The following ASAP2 variants were observed in gnomAD, a reference collection of about 807,000 sequenced individuals.
ASAP2 encodes the protein ArfGAP with SH3 domain, ankyrin repeat and PH domain 2.
ASAP2 carries 45 observed loss-of-function variants against 131.4 expected under a neutral mutation model. The ratio of observed to expected loss-of-function variants is 0.34; its 90% CI spans 0.27 to 0.44. The LOEUF is 0.44. Among genes scored for constraint, ASAP2 ranks in the 20% least tolerant of loss-of-function variants. The pLI is 1.00. For missense variants in ASAP2, 1,011 were observed against 1,297.0 expected (o/e 0.78, Z 3.39); for synonymous variants, 510 against 503.0 (o/e 1.01, Z -0.19).
At chr2:9,400,877 G>T (rs771056918) in intron 26 of ASAP2, 47 bp downstream of exon 26, 2 of 1,569,642 alleles carry the variant, frequency 1.3e-6, no homozygotes, top group Non-Finnish European at 8.7e-7. Context: ...AGCCAGGGGG[G>T]TGCAGGTGGT....
Position 9,311,450 on chromosome 2 carries a change from A to C in ASAP2, c.346-7074A>C, listed in dbSNP as rs1289652689. Among the ~76,000 whole-genome samples the C allele has an allele frequency of 6.6e-6, 1 of 152,176 alleles. No individual in the cohort carries two copies. Among genetic ancestry groups the C allele is most frequent in the East Asian group, 1.9e-4 (1 of 5,192 alleles). ...ATAATTTGTATTCAGGTTGCACTCG[A>C]TGTTTTAAAAAGCCATTTTACATAA... On this transcript the variant is annotated intron_variant, in intron 3 of 27. Transcript: ENST00000281419. The surrounding 1 kb of genome is among the most constrained non-coding windows in gnomAD (Gnocchi z 5.2).
chr2:9,338,063 C>A (rs1474770229), intron 9 of ASAP2, among the ~76,000 whole-genome samples: 1 of 152,190 alleles, frequency 6.6e-6, no homozygotes, highest in African/African-American at 2.4e-5. Context: ...CCTGCCTTCC[C>A]CATCCCACGT....
intron 5 of ASAP2, among the ~76,000 whole-genome samples, chr2:9,321,655 G>A (rs1670156634): frequency 6.6e-6 from 1 of 152,148 alleles, no homozygotes; most frequent in African/African-American, 2.4e-5. Context: ...GTGGCTGATA[G>A]GAAATGGTCC....
At chr2:9,218,177 T>C (rs932698335) in intron 1 of ASAP2, among the ~76,000 whole-genome samples, 5 of 152,174 alleles carry the variant, frequency 3.3e-5, no homozygotes, top group Admixed American at 6.5e-5. Flanking sequence ...CCTGCTGGGC[T>C]CTCTGTTGCC....
intron 3 of ASAP2, among the ~76,000 whole-genome samples, chr2:9,317,239 A>G (rs1391813746): frequency 6.7e-6 from 1 of 148,906 alleles, no homozygotes; most frequent in African/African-American, 2.5e-5. Flanking sequence ...ACACAACCAC[A>G]CTCATACACA....
intron 18 of ASAP2, among the ~76,000 whole-genome samples, chr2:9,377,558 A>C (rs777847906): frequency 2.6e-4 from 40 of 152,328 alleles, no homozygotes; most frequent in Non-Finnish European, 4.8e-4. Context: ...ATATTGCTTC[A>C]GTCATGTGTT....
intron 1 of ASAP2, among the ~76,000 whole-genome samples, chr2:9,262,474 A>T (rs1665644071): frequency 6.6e-6 from 1 of 152,142 alleles, no homozygotes; most frequent in African/African-American, 2.4e-5. Flanking sequence ...TGTTATTCCC[A>T]ATTTATAGAT....
chr2:9,256,878 G>T (rs1665202467), intron 1 of ASAP2, among the ~76,000 whole-genome samples: 1 of 152,214 alleles, frequency 6.6e-6, no homozygotes. Flanking sequence ...TTAGCCGCTT[G>T]TCCTGTCCAC....
chr2:9,214,888 C>G (rs1558239738), intron 1 of ASAP2, among the ~76,000 whole-genome samples: 1 of 152,052 alleles, frequency 6.6e-6, no homozygotes, highest in Non-Finnish European at 1.5e-5. Context: ...CTTGTTTGTG[C>G]CATGGCTCCC....
chr2:9,307,215 G>T (rs903961217), intron 3 of ASAP2, among the ~76,000 whole-genome samples: 3 of 152,258 alleles, frequency 2.0e-5, no homozygotes, highest in Non-Finnish European at 2.9e-5. Context: ...TTCTGATTCC[G>T]CAGGTCTGGG....
At chr2:9,238,519 C>T (rs1663713976) in intron 1 of ASAP2, among the ~76,000 whole-genome samples, 1 of 152,208 alleles carries the variant, frequency 6.6e-6, no homozygotes, top group Non-Finnish European at 1.5e-5. Flanking sequence ...CCTTGTCTTA[C>T]TGGAAATGTC....
chr2:9,382,723 G>GT (rs1300197169), intron 20 of ASAP2, among the ~76,000 whole-genome samples: 1 of 152,178 alleles, frequency 6.6e-6, no homozygotes, highest in Non-Finnish European at 1.5e-5. Context: ...CTCTAGCCCT[G>GT]TTTTTTCTGT....
chr2:9,304,246 G>A (rs931601506), intron 3 of ASAP2, among the ~76,000 whole-genome samples: 1 of 152,172 alleles, frequency 6.6e-6, no homozygotes, highest in Admixed American at 6.5e-5. Flanking sequence ...ATGTGTGTAG[G>A]ACATGCTGTT....
intron 1 of ASAP2, among the ~76,000 whole-genome samples, chr2:9,249,668 C>A (rs1383271461): frequency 6.6e-6 from 1 of 152,136 alleles, no homozygotes; most frequent in Admixed American, 6.5e-5. Context: ...AAGTTCACAG[C>A]CTGAGTGAGA....
chr2:9,349,850 C>G (rs1672216171), intron 11 of ASAP2, among the ~76,000 whole-genome samples: 1 of 152,058 alleles, frequency 6.6e-6, no homozygotes, highest in South Asian at 2.1e-4. Context: ...GGTGTAGATG[C>G]ATATGTGTAT....
At chr2:9,328,109 C>G (rs1217025444) in intron 7 of ASAP2, among the ~76,000 whole-genome samples, 198 bp downstream of exon 7, 1 of 152,132 alleles carries the variant, frequency 6.6e-6, no homozygotes, top group Non-Finnish European at 1.5e-5. Flanking sequence ...AGGCCATGTA[C>G]TGTATGATCC....
chr2:9,371,325 A>G (rs1024926949), intron 16 of ASAP2, among the ~76,000 whole-genome samples: 8 of 152,162 alleles, frequency 5.3e-5, no homozygotes, highest in African/African-American at 1.9e-4. Context: ...ATCCCACTTC[A>G]TAGTATACTC....
chr2:9,261,841 C>A (rs542665907), intron 1 of ASAP2, among the ~76,000 whole-genome samples: 2 of 152,270 alleles, frequency 1.3e-5, no homozygotes, highest in South Asian at 2.1e-4. Context: ...GTGGACACCC[C>A]GGTGGCCACT....
At chr2:9,309,719 G>A (rs945794578) in intron 3 of ASAP2, among the ~76,000 whole-genome samples, 7 of 152,322 alleles carry the variant, frequency 4.6e-5, no homozygotes, top group Middle Eastern at 3.4e-3. Flanking sequence ...AACTGTTTGC[G>A]TTGATGGGAA....
Sources: gnomAD v4.1 joint callset for allele counts (sites outside exome capture counted in the v4.1 genomes callset) on GRCh38, gnomAD v4.1.1 for gene constraint, Gnocchi (gnomAD v3.1) non-coding constraint, MANE v1.5 for transcripts, NCBI Gene and HGNC (gene_info 2026-07-23, HGNC 2026-07-21) for gene names.